NBPF3: variants seen among roughly 807,000 people sequenced by gnomAD.
The protein encoded by NBPF3 is NBPF member 3, also known as NBPF family member NBPF3.
Under a neutral mutation model 78.1 loss-of-function variants are expected in NBPF3, and 57 were observed. The observed-to-expected ratio is 0.73, with a 90% CI of 0.59 to 0.91. The LOEUF (loss-of-function observed/expected upper bound fraction) is 0.91. Ranked by LOEUF, NBPF3 falls within the 40% of genes least tolerant of loss-of-function variation. The pLI is 0.00. For synonymous variants in NBPF3, 182 were observed against 271.7 expected (o/e 0.67, Z 3.25); for missense variants, 510 against 715.3 (o/e 0.71, Z 3.27).
At chr1:21,454,187 C>T (rs1366105187) in intron 2 of NBPF3, 1 of 152,216 alleles carries the variant, frequency 6.6e-6, no homozygotes, top group Non-Finnish European at 1.5e-5. Flanking sequence ...CCCATGATGA[C>T]TCATGAGGAT....
chr1:21,458,736 G>A (rs6675223), intron 2 of NBPF3, among the ~76,000 whole-genome samples: 99,895 of 152,106 alleles, frequency 0.66, 34,391 homozygotes, highest in South Asian at 0.86. Flanking sequence ...AAGTGACAGC[G>A]GCTCCTTGAG....
chr1:21,454,667 G>T (rs1214168938), intron 2 of NBPF3, among the ~76,000 whole-genome samples: 1 of 152,100 alleles, frequency 6.6e-6, no homozygotes, highest in Non-Finnish European at 1.5e-5. Context: ...ATTAGATGAG[G>T]AATGGTAGAC....
chr1:21,453,884 A>G (rs1342474799), intron 2 of NBPF3: 1 of 152,166 alleles, frequency 6.6e-6, no homozygotes, highest in Non-Finnish European at 1.5e-5. Flanking sequence ...TATGCTGTAA[A>G]TCTTCCTCCA....
At chr1:21,463,724 C>A (rs1483112498) in intron 2 of NBPF3, among the ~76,000 whole-genome samples, 2 of 152,082 alleles carry the variant, frequency 1.3e-5, no homozygotes, top group Non-Finnish European at 2.9e-5. Context: ...AGGTCTAGTA[C>A]CTAGAGTATA....
Position 21,483,914 on chromosome 1 carries a change from C to T in NBPF3, c.*528C>T, listed in dbSNP as rs1395002539. 2.0e-5 allele frequency: 3 copies of T among 149,970 alleles called. No homozygotes were observed. Among genetic ancestry groups the T allele is most frequent in the Non-Finnish European group, 2.9e-5 (2 of 68,662 alleles). 9.3% of individuals were successfully genotyped at this position (149,970 alleles called of 1,614,324 possible). ...TTGACAGTTGTTAACCCACTAGGCT[C>T]CTTTGAGTAGAGAAGCCATAGTCCT... On this transcript the variant is annotated 3_prime_UTR_variant, in exon 15 of 15. Transcript: ENST00000318249.
chr1:21,441,981 G>A (rs559349796), intron 1 of NBPF3, among the ~76,000 whole-genome samples: 1 of 152,288 alleles, frequency 6.6e-6, no homozygotes, highest in Admixed American at 6.5e-5. Flanking sequence ...ATATATCAGT[G>A]TGGTTTCATT....
chr1:21,458,732 C>T (rs1641777872), intron 2 of NBPF3, among the ~76,000 whole-genome samples: 2 of 152,156 alleles, frequency 1.3e-5, no homozygotes, highest in Non-Finnish European at 2.9e-5. Flanking sequence ...CCTGAAGTGA[C>T]AGCGGCTCCT....
chr1:21,446,552 C>T (rs1264000678), intron 2 of NBPF3: 1 of 142,174 alleles, frequency 7.0e-6, no homozygotes, highest in Non-Finnish European at 1.5e-5. Context: ...CCCACCCACC[C>T]TCCCTCCCTT....
At chr1:21,437,045 G>A (rs1372501927), upstream of NBPF3, among the ~76,000 whole-genome samples, 1 of 151,280 alleles carries the variant, frequency 6.6e-6, no homozygotes, top group African/African-American at 2.5e-5. Context: ...GCAGCTGGGG[G>A]TGGGTGCTTG....
intron 2 of NBPF3, among the ~76,000 whole-genome samples, chr1:21,450,174 C>G (rs1335723887): frequency 6.6e-6 from 1 of 151,914 alleles, no homozygotes; most frequent in Non-Finnish European, 1.5e-5. Context: ...TTCTAGAGCT[C>G]AAGCTATTTT....
At chr1:21,443,073 CTGTA>C (rs1239500342) in intron 1 of NBPF3, among the ~76,000 whole-genome samples, 1 of 152,168 alleles carries the variant, frequency 6.6e-6, no homozygotes, top group Non-Finnish European at 1.5e-5. Flanking sequence ...AATCGATTGA[CTGTA>C]TGGTCATCTG....
rs1641900906 is a variant in NBPF3 at position 21,460,625 on chromosome 1, C to A, written c.134-8063C>A. 6.6e-6 allele frequency among the ~76,000 whole-genome samples: 1 copy of A among 152,122 alleles called. No individual in the cohort carries two copies. The highest frequency in any genetic ancestry group is 2.4e-5 in the African/African-American group (1 of 41,418). On this transcript the variant is annotated intron_variant, in intron 2 of 14. Transcript: ENST00000318249. The surrounding 1 kb of genome is among the most constrained non-coding windows in gnomAD (Gnocchi z 4.2). ...ACTCTTCATCATACACTGAAATTAA[C>A]TTAAGATGTGAAAGTTAAAATTAGA...
chr1:21,463,940 A>G (rs1449156063), intron 2 of NBPF3, among the ~76,000 whole-genome samples: 1 of 152,256 alleles, frequency 6.6e-6, no homozygotes, highest in African/African-American at 2.4e-5. Context: ...TTAAGAAAAA[A>G]ATAAAGACAA....
At chr1:21,440,456 G>A (rs549600441) in intron 1 of NBPF3, 108 bp downstream of exon 1, 3 of 151,992 alleles carry the variant, frequency 2.0e-5, no homozygotes, top group Non-Finnish European at 4.4e-5. Flanking sequence ...CGCGGGGGCG[G>A]GTGGGAGGTG....
At position 21,479,409 on chromosome 1, in the gene NBPF3, G is replaced by T; in HGVS notation, c.1208+9G>T. 6.2e-7 allele frequency: 1 copy of T among 1,608,534 alleles called. No individual in the cohort carries two copies. On this transcript the variant is annotated intron_variant, in intron 10 of 14. Coordinates refer to ENST00000318249, the MANE Select transcript of NBPF3 (RefSeq NM_032264.6). ...GAGGCCACAAGTCCCAGGTGAGTCTGAGAAATTATGGACAGTTAATTTGAT... is the reference window on the plus strand; with the variant it reads ...GAGGCCACAAGTCCCAGGTGAGTCTTAGAAATTATGGACAGTTAATTTGAT...
intron 10 of NBPF3, 79 bp downstream of exon 10, chr1:21,479,479 G>A (rs1643064849): frequency 2.4e-6 from 3 of 1,261,496 alleles, no homozygotes; most frequent in East Asian, 4.7e-5. Context: ...AGTACATGCT[G>A]AAAATGATGA....
chr1:21,464,487 C>T (rs1642142417), intron 2 of NBPF3, among the ~76,000 whole-genome samples: 2 of 151,970 alleles, frequency 1.3e-5, no homozygotes, highest in African/African-American at 4.8e-5. Context: ...CCCATAGGTA[C>T]AGGCATGCTT....
At chr1:21,443,477 A>G (rs1192398617) in intron 1 of NBPF3, among the ~76,000 whole-genome samples, 1 of 152,162 alleles carries the variant, frequency 6.6e-6, no homozygotes, top group Non-Finnish European at 1.5e-5. Flanking sequence ...TTTTATACTT[A>G]ATTGTTCTTA....
At chr1:21,442,954 A>C (rs934491105) in intron 1 of NBPF3, among the ~76,000 whole-genome samples, 11 of 152,070 alleles carry the variant, frequency 7.2e-5, no homozygotes, top group African/African-American at 2.7e-4. Flanking sequence ...GAGCCACCCC[A>C]CCTGGCTATG....
Sources: allele counts gnomAD v4.1 joint callset (sites outside exome capture counted in the v4.1 genomes callset), GRCh38; gene constraint gnomAD v4.1.1; non-coding constraint Gnocchi (gnomAD v3.1); transcripts MANE v1.5; gene names NCBI Gene and HGNC (gene_info 2026-07-23, HGNC 2026-07-21).